CRPPA: variants seen among roughly 807,000 people sequenced by gnomAD.
CRPPA encodes the protein D-ribitol-5-phosphate cytidylyltransferase.
Under a neutral mutation model 52.0 loss-of-function variants are expected in CRPPA, and 43 were observed. The ratio of observed to expected loss-of-function variants is 0.83; its 90% CI spans 0.65 to 1.07. The LOEUF (loss-of-function observed/expected upper bound fraction) is 1.07. CRPPA is among the 50% of genes least tolerant of loss of function. The pLI, the probability that CRPPA is intolerant of heterozygous loss-of-function variation, is 0.00. For missense variants in CRPPA, 629 were observed against 551.7 expected (o/e 1.14, Z -1.40); for synonymous variants, 250 against 203.5 (o/e 1.23, Z -1.94).
chr7:16,376,800 T>C lies in CRPPA; in HGVS notation c.535-559A>G, dbSNP rs370735621. ...GCAATGCTTCCTCAGGCAATACCCATTGACTTCAATTGCTATGATGAAAGT... is the reference window on the plus strand; with the variant it reads ...GCAATGCTTCCTCAGGCAATACCCACTGACTTCAATTGCTATGATGAAAGT... On this transcript the variant is annotated intron_variant, in intron 2 of 9. Transcript: ENST00000407010. Among the ~76,000 whole-genome samples the C allele has an allele frequency of 6.6e-5, 10 of 152,320 alleles. No homozygotes were observed. In the East Asian group the frequency reaches 7.7e-4, roughly 12 times the overall value.
chr7:16,417,572 C>A (rs566188841), intron 1 of CRPPA, among the ~76,000 whole-genome samples: 1 of 152,050 alleles, frequency 6.6e-6, no homozygotes, highest in African/African-American at 2.4e-5. Context: ...TCTCCTAAGA[C>A]GGAGCTAAAC....
rs150723874 is a variant in CRPPA at position 16,212,559 on chromosome 7, A to G, written c.1251+3507T>C. Among the ~76,000 whole-genome samples, 5 of 152,336 alleles carry G rather than the reference A, an allele frequency of 3.3e-5. No individual in the cohort carries two copies. The East Asian group carries it at 9.6e-4, about 29-fold the overall frequency. On this transcript the variant is annotated intron_variant, in intron 9 of 9. Coordinates refer to ENST00000407010, the MANE Select transcript of CRPPA (RefSeq NM_001101426.4). ...CGTAATGAATAATTTCTCCAGGAAA[A>G]GAAAGGAAATAATAGTTCAGGTGAA...
At chr7:16,158,120 G>T (rs1026706556) in intron 9 of CRPPA, among the ~76,000 whole-genome samples, 1 of 150,278 alleles carries the variant, frequency 6.7e-6, no homozygotes, top group Non-Finnish European at 1.5e-5. Context: ...TCCTGACCTC[G>T]TGATCCGCCC....
intron 8 of CRPPA, among the ~76,000 whole-genome samples, chr7:16,238,979 A>C (rs1439183698): frequency 6.6e-6 from 1 of 151,946 alleles, no homozygotes; most frequent in Admixed American, 6.6e-5. Context: ...CTCTACTAAA[A>C]ACACAAAAAA....
intron 3 of CRPPA, among the ~76,000 whole-genome samples, chr7:16,348,906 C>G (rs997632038): frequency 1.3e-5 from 2 of 152,198 alleles, no homozygotes; most frequent in African/African-American, 4.8e-5. Context: ...TAACAACCTA[C>G]CTCTGGAAGT....
At chr7:16,197,206 T>C (rs1398279319) in intron 9 of CRPPA, among the ~76,000 whole-genome samples, 1 of 152,168 alleles carries the variant, frequency 6.6e-6, no homozygotes, top group East Asian at 1.9e-4. Context: ...AGGACTAGGT[T>C]GATAGGGACA....
In CRPPA at chr7:16,258,809, T is replaced by C. The variant is rs1295153; in HGVS notation, c.1026+111A>G. The C allele has an allele frequency of 0.75, 454,187 of 607,004 alleles. 172,097 individuals carry two copies. Among genetic ancestry groups the C allele is most frequent in the African/African-American group, 0.94 (48,834 of 52,080 alleles). 37.6% of individuals were successfully genotyped at this position (607,004 alleles called of 1,614,324 possible). The stretch of plus-strand genomic sequence containing the variant: ...CTTTCAAAGATAAAATCTCCAAAAA[T>C]GTGTAGAAGAACTCATCATAATATC... On this transcript the variant is annotated intron_variant, in intron 7 of 9. Transcript: ENST00000407010.
intron 3 of CRPPA, among the ~76,000 whole-genome samples, chr7:16,369,093 G>T (rs1786682056): frequency 6.6e-6 from 1 of 152,178 alleles, no homozygotes; most frequent in Admixed American, 6.5e-5. Flanking sequence ...AGCAGGAAGA[G>T]CCACAGACAA....
At chr7:16,285,796 G>C (rs546208487) in intron 5 of CRPPA, among the ~76,000 whole-genome samples, 29 of 151,426 alleles carry the variant, frequency 1.9e-4, no homozygotes, top group African/African-American at 7.0e-4. Flanking sequence ...GCTGAGGTAG[G>C]TGGATCACCT....
At chr7:16,382,175 A>G (rs960959387) in intron 2 of CRPPA, among the ~76,000 whole-genome samples, 5 of 152,048 alleles carry the variant, frequency 3.3e-5, no homozygotes, top group Non-Finnish European at 7.3e-5. Context: ...GAGCTCTTTT[A>G]GGGCGGGCCT....
intron 4 of CRPPA, among the ~76,000 whole-genome samples, chr7:16,302,322 T>C (rs943437954): frequency 1.9e-4 from 13 of 68,858 alleles, no homozygotes; most frequent in African/African-American, 8.5e-4. Context: ...AAAAAAAAAA[T>C]GCAACCTCCT....
intron 6 of CRPPA, chr7:16,270,276 A>G (rs1784061194): frequency 6.6e-6 from 1 of 152,150 alleles, no homozygotes; most frequent in Non-Finnish European, 1.5e-5. Context: ...CAGATTAACC[A>G]TCTGGTTCCT....
chr7:16,210,250 G>T (rs185895761), intron 9 of CRPPA, among the ~76,000 whole-genome samples: 24 of 152,096 alleles, frequency 1.6e-4, no homozygotes, highest in African/African-American at 5.5e-4. Context: ...ATCTTAATGG[G>T]GGTGAGTAGC....
intron 2 of CRPPA, among the ~76,000 whole-genome samples, chr7:16,391,425 T>G (rs1438130204): frequency 6.6e-6 from 1 of 152,104 alleles, no homozygotes; most frequent in Non-Finnish European, 1.5e-5. Context: ...AGCCTCCCAA[T>G]TGGTATCTCT....
At chr7:16,191,249 C>A (rs368257393) in intron 9 of CRPPA, among the ~76,000 whole-genome samples, 33 of 152,162 alleles carry the variant, frequency 2.2e-4, no homozygotes, top group African/African-American at 7.9e-4. Context: ...CGAGTATGTT[C>A]TAGAATGAAG....
intron 5 of CRPPA, among the ~76,000 whole-genome samples, chr7:16,284,343 A>C (rs773238343): frequency 6.6e-6 from 1 of 152,094 alleles, no homozygotes; most frequent in Admixed American, 6.5e-5. Context: ...TGTGTAAAAG[A>C]CTACACTTGG....
chr7:16,291,683 T>C (rs1421592034), intron 5 of CRPPA, among the ~76,000 whole-genome samples: 2 of 151,840 alleles, frequency 1.3e-5, no homozygotes, highest in Admixed American at 6.6e-5. Flanking sequence ...ATAGGTTGAC[T>C]ATTCGTAGTT....
chr7:16,366,406 T>C (rs529496775), intron 3 of CRPPA, among the ~76,000 whole-genome samples: 1 of 152,154 alleles, frequency 6.6e-6, no homozygotes, highest in Non-Finnish European at 1.5e-5. Flanking sequence ...AGCCATCAAA[T>C]TGACAAAAGC....
intron 1 of CRPPA, among the ~76,000 whole-genome samples, chr7:16,418,913 G>C (rs973984801): frequency 6.6e-6 from 1 of 152,110 alleles, no homozygotes; most frequent in African/African-American, 2.4e-5. Flanking sequence ...TTCTCCATGG[G>C]AGAAAAGTTT....
Sources: gnomAD v4.1 joint callset for allele counts (sites outside exome capture counted in the v4.1 genomes callset) on GRCh38, gnomAD v4.1.1 for gene constraint, MANE v1.5 for transcripts, NCBI Gene and HGNC (gene_info 2026-07-23, HGNC 2026-07-21) for gene names.